Variants in RFTN1 observed in about 807,000 individuals in gnomAD.
The protein encoded by RFTN1 is raftlin, lipid raft linker 1.
A neutral mutation model predicts 46.5 loss-of-function variants in RFTN1; 26 were observed. The ratio of observed to expected loss-of-function variants is 0.56; its 90% confidence interval spans 0.41 to 0.78. The LOEUF (loss-of-function observed/expected upper bound fraction) is 0.78, where lower values mean the gene tolerates loss of function less well. Among genes scored for constraint, RFTN1 ranks in the 30% least tolerant of loss-of-function variants. RFTN1 has a pLI of 0.00. For synonymous variants in RFTN1, 261 were observed against 284.2 expected (o/e 0.92, Z 0.82); for missense variants, 693 against 718.7 (o/e 0.96, Z 0.41).
chr3:16,503,124 G>A (rs568310163), intron 1 of RFTN1, among the ~76,000 whole-genome samples: 1 of 152,262 alleles, frequency 6.6e-6, no homozygotes, highest in East Asian at 1.9e-4. Context: ...CACCATCTCA[G>A]TCTGTCTCAG....
Position 16,345,254 on chromosome 3 carries a change from AAGT to A in RFTN1, c.1146+12675_1146+12677del, listed in dbSNP as rs1286365529. 8.0e-6 allele frequency: 1 copy of A among 124,540 alleles called. No homozygotes were observed. Among genetic ancestry groups the A allele is most frequent in the African/African-American group, 4.0e-5 (1 of 25,222 alleles). 7.7% of individuals were successfully genotyped at this position (124,540 alleles called of 1,614,324 possible). On this transcript the variant is annotated intron_variant, in intron 7 of 9. Coordinates refer to ENST00000334133, the MANE Select transcript of RFTN1 (RefSeq NM_015150.2). The surrounding 1 kb of genome is among the most constrained non-coding windows in gnomAD (Gnocchi z 5.2). ...TGGCCCACAGAAACTGTAAGATAAT[AAGT>A]AGGTGGTTGTGTGTGTGTGTGTGTG...
At position 16,493,761 on chromosome 3, in the gene RFTN1, C is replaced by T. The variant is rs137931766; in HGVS notation, c.109G>A (p.Glu37Lys). The T allele has an allele frequency of 3.3e-5, 53 of 1,608,756 alleles. No individual in the cohort carries two copies. The highest frequency in any genetic ancestry group is 1.0e-5 in the Non-Finnish European group (12 of 1,177,134). Reference sequence around the variant, plus strand: ...GTCGTGAACTCCAGGAAGCGGTATTCATAGGACACATCTATCTTGGTTTCC... The same window carrying T: ...GTCGTGAACTCCAGGAAGCGGTATTTATAGGACACATCTATCTTGGTTTCC... ...QVETKIDVSY[E>K]YRFLEFTTLS... Residue 37 changes from glutamate to lysine, a missense_variant, in exon 2 of 10, where the codon GAA becomes AAA. Physicochemically the swap from Glu to Lys is moderately conservative, Grantham distance 56. Coordinates refer to ENST00000334133, the MANE Select transcript of RFTN1 (RefSeq NM_015150.2).
At chr3:16,439,412 T>C (rs2125507686) in intron 2 of RFTN1, among the ~76,000 whole-genome samples, 1 of 152,334 alleles carries the variant, frequency 6.6e-6, no homozygotes, top group East Asian at 1.9e-4. Flanking sequence ...CATTTACAAA[T>C]TATGTAACCT....
At chr3:16,455,353 G>A (rs1004858026) in intron 2 of RFTN1, among the ~76,000 whole-genome samples, 7 of 152,200 alleles carry the variant, frequency 4.6e-5, no homozygotes, top group African/African-American at 1.7e-4. Flanking sequence ...GTGTGCGTAT[G>A]TGAAAATCCT....
chr3:16,360,772 A>C (rs189092265), intron 6 of RFTN1, among the ~76,000 whole-genome samples: 5 of 152,364 alleles, frequency 3.3e-5, no homozygotes, highest in Admixed American at 3.3e-4. Flanking sequence ...AAAATAGTTA[A>C]ATTTGGAGAT....
intron 6 of RFTN1, among the ~76,000 whole-genome samples, chr3:16,367,987 C>T (rs1322875056): frequency 2.0e-5 from 3 of 152,106 alleles, no homozygotes; most frequent in Admixed American, 6.5e-5. Flanking sequence ...CCTCTCTGCA[C>T]ACCTTCAACA....
rs2125321437 is a variant in RFTN1 at position 16,352,111 on chromosome 3, G to C, written c.1146+5821C>G. ...AAGATAGGAATCTGATTTGCTTTGG[G>C]TCTCTTTAATTGGCTTTTTCAATTA... is the stretch of plus-strand genomic sequence containing the variant. On this transcript the variant is annotated intron_variant, in intron 7 of 9. Coordinates refer to ENST00000334133, the MANE Select transcript of RFTN1 (RefSeq NM_015150.2). The surrounding 1 kb of genome is among the most constrained non-coding windows in gnomAD (Gnocchi z 4.6). Among the ~76,000 whole-genome samples the C allele has an allele frequency of 6.6e-6, 1 of 152,274 alleles. No individual in the cohort carries two copies. Among genetic ancestry groups the C allele is most frequent in the African/African-American group, 2.4e-5 (1 of 41,546 alleles).
intron 9 of RFTN1, among the ~76,000 whole-genome samples, chr3:16,319,470 G>A (rs2068796063): frequency 6.6e-6 from 1 of 152,172 alleles, no homozygotes; most frequent in African/African-American, 2.4e-5. Flanking sequence ...GGGCTGCGGT[G>A]CACACCTCCA....
intron 4 of RFTN1, among the ~76,000 whole-genome samples, chr3:16,401,481 G>T (rs1342259787): frequency 1.3e-5 from 2 of 152,126 alleles, no homozygotes; most frequent in African/African-American, 4.8e-5. Context: ...GTGGCATCCA[G>T]TGGCCAAACC....
rs374583562 is a variant in RFTN1, at chr3:16,321,716, C to G, written c.1332+1660G>C. On this transcript the variant is annotated intron_variant, in intron 9 of 9. Coordinates refer to ENST00000334133, the MANE Select transcript of RFTN1 (RefSeq NM_015150.2). This position sits in a 1 kb window ranked among gnomAD's most constrained non-coding sequence, Gnocchi z 4.8. ...TAATTAGGTACATGGAAAGAGAAAG[C>G]AGTCCACCCAGATGAGTACAGCTGC... is the stretch of plus-strand genomic sequence containing the variant. 1.1e-4 allele frequency among the ~76,000 whole-genome samples: 17 copies of G among 152,204 alleles called. No homozygotes were observed. The East Asian group carries it at 2.7e-3, about 24-fold the overall frequency.
chr3:16,491,776 A>G (rs1384130211), intron 2 of RFTN1, among the ~76,000 whole-genome samples: 1 of 150,378 alleles, frequency 6.6e-6, no homozygotes, highest in East Asian at 1.9e-4. Flanking sequence ...AAACAAAACA[A>G]ACAAAAAAAA....
rs1491304067 is a variant in RFTN1, at chr3:16,324,645, ATT to A, written c.1251-1190_1251-1189del. Among the ~76,000 whole-genome samples, 17 of 32,624 alleles carry A rather than the reference ATT, an allele frequency of 5.2e-4. 1 individual carries two copies. In the South Asian group the frequency reaches 9.3e-3, roughly 18 times the overall value. 21.4% of individuals were successfully genotyped at this position (32,624 alleles called of 152,430 possible). The stretch of plus-strand genomic sequence containing the variant: ...CCCTTTTAAGGTTGCATAGTATTCC[ATT>A]GTGTGTGTGTGTGTGTGTGTGTGTG... On this transcript the variant is annotated intron_variant, in intron 8 of 9. Transcript: ENST00000334133.
At chr3:16,463,603 A>G (rs1025033976) in intron 2 of RFTN1, among the ~76,000 whole-genome samples, 1 of 152,150 alleles carries the variant, frequency 6.6e-6, no homozygotes, top group Non-Finnish European at 1.5e-5. Flanking sequence ...ATTTTCTTGA[A>G]CATATTAATT....
At chr3:16,368,645 C>G (rs1247809161) in intron 6 of RFTN1, among the ~76,000 whole-genome samples, 1 of 151,612 alleles carries the variant, frequency 6.6e-6, no homozygotes, top group African/African-American at 2.4e-5. Context: ...CATTCCAGCA[C>G]TCCAGCCTGG....
Position 16,422,159 on chromosome 3 carries a change from A to G in RFTN1, c.332+11692T>C, listed in dbSNP as rs569889897. Reference sequence around the variant, plus strand: ...AATTATTATGAAGCTCTCAAATAAAATTTACCTCCAATAATAATATTGAAC... The same window carrying G: ...AATTATTATGAAGCTCTCAAATAAAGTTTACCTCCAATAATAATATTGAAC... On this transcript the variant is annotated intron_variant, in intron 3 of 9. Transcript: ENST00000334133. The surrounding 1 kb of genome is among the most constrained non-coding windows in gnomAD (Gnocchi z 4.6). Among the ~76,000 whole-genome samples, 1 of 152,366 alleles carries G rather than the reference A, an allele frequency of 6.6e-6. No homozygotes were observed. The highest frequency in any genetic ancestry group is 2.1e-4 in the South Asian group (1 of 4,826).
intron 2 of RFTN1, among the ~76,000 whole-genome samples, chr3:16,464,383 ACTC>A (rs2076055103): frequency 6.6e-6 from 1 of 151,578 alleles, no homozygotes; most frequent in South Asian, 2.1e-4. Context: ...TTAGCCCCCT[ACTC>A]CTCATTGTTT....
At chr3:16,364,751 G>GA (rs1372167709) in intron 6 of RFTN1, among the ~76,000 whole-genome samples, 1 of 152,202 alleles carries the variant, frequency 6.6e-6, no homozygotes, top group Admixed American at 6.5e-5. Context: ...AGCAATGAGA[G>GA]AAAATGGTCT....
rs61019061 is a variant in RFTN1 at position 16,438,585 on chromosome 3, CAAAAAAAAAAAAAAAAAAAA to C, written c.146-4568_146-4549del. ...GGGAGACAGAGTAAGAACTCTGTCT[CAAAAAAAAAAAAAAAAAAAA>C]AAAAAAAAAAAAAGAAGACAGGTTT... On this transcript the variant is annotated intron_variant, in intron 2 of 9. Transcript: ENST00000334133. Among the ~76,000 whole-genome samples, 24 of 30,474 alleles carry C rather than the reference CAAAAAAAAAAAAAAAAAAAA, an allele frequency of 7.9e-4. No homozygotes were observed. The East Asian group carries it at 0.028, about 36-fold the overall frequency. The allele number at this position is 30,474 out of a possible 152,430, so 20.0% of individuals were successfully genotyped here.
intron 5 of RFTN1, among the ~76,000 whole-genome samples, chr3:16,372,315 A>T (rs991957371): frequency 6.6e-6 from 1 of 152,196 alleles, no homozygotes; most frequent in African/African-American, 2.4e-5. Flanking sequence ...AGATTCACCC[A>T]CCAAGGGCAA....
Sources: gnomAD v4.1 joint callset for allele counts (sites outside exome capture counted in the v4.1 genomes callset) on GRCh38, gnomAD v4.1.1 for gene constraint, Gnocchi (gnomAD v3.1) non-coding constraint, MANE v1.5 for transcripts, NCBI Gene and HGNC (gene_info 2026-07-23, HGNC 2026-07-21) for gene names.